The following KANSL1 variants were observed in gnomAD, a reference collection of about 807,000 sequenced individuals.
KANSL1 encodes the protein MLL1/MLL complex subunit KANSL1.
A neutral mutation model predicts 103.6 loss-of-function variants in KANSL1; 22 were observed. The observed-to-expected ratio is 0.21, with a 90% CI of 0.15 to 0.30. The LOEUF is 0.30. Among genes scored for constraint, KANSL1 ranks in the 10% least tolerant of loss-of-function variants. The pLI is 1.00. For synonymous variants in KANSL1, 600 were observed against 527.6 expected (o/e 1.14, Z -1.88); for missense variants, 1,337 against 1,399.8 (o/e 0.96, Z 0.72).
intron 1 of KANSL1, among the ~76,000 whole-genome samples, chr17:46,175,147 T>C (rs1303300796): frequency 6.6e-6 from 1 of 152,184 alleles, no homozygotes; most frequent in African/African-American, 2.4e-5. Context: ...ATGCTTATCT[T>C]TGGAGCAATA....
intron 14 of KANSL1, 53 bp downstream of exon 14, chr17:46,031,994 C>T (rs2077022228): frequency 3.1e-6 from 5 of 1,611,570 alleles, no homozygotes; most frequent in Non-Finnish European, 4.2e-6. Flanking sequence ...GCTGCCCCTT[C>T]CTGGTTCCAT....
At chr17:46,052,794 TAAAAA>T (rs35162336) in intron 6 of KANSL1, among the ~76,000 whole-genome samples, 1 of 118,298 alleles carries the variant, frequency 8.5e-6, no homozygotes, top group Non-Finnish European at 1.7e-5. Flanking sequence ...AATTTAAAAT[TAAAAA>T]AAAAAAAAAA....
intron 2 of KANSL1, among the ~76,000 whole-genome samples, chr17:46,115,597 A>G (rs983462347): frequency 2.0e-5 from 3 of 152,216 alleles, no homozygotes; most frequent in Non-Finnish European, 4.4e-5. Flanking sequence ...TCAGTGAACT[A>G]TATGTGATTT....
At chr17:46,110,187 G>C (rs115632292) in intron 2 of KANSL1, among the ~76,000 whole-genome samples, 1 of 152,216 alleles carries the variant, frequency 6.6e-6, no homozygotes, top group Non-Finnish European at 1.5e-5. Flanking sequence ...GGGTAATATA[G>C]TTAAAGCTAA....
At chr17:46,214,590 G>A (rs185424122) in intron 1 of KANSL1, among the ~76,000 whole-genome samples, 474 of 152,268 alleles carry the variant, frequency 3.1e-3, no homozygotes, top group Non-Finnish European at 4.9e-3. Context: ...GGAGGCAGAG[G>A]TTGCAGTGAG....
rs780942888 is a variant in KANSL1, at chr17:46,170,874, C to T, written c.1270G>A (p.Glu424Lys). ...ACTCACAGGGGTACATGACGCTGCT[C>T]GGGATCAGCTCTGGTCAGTTCTTCC... ...EEEELTRADP[E>K]QRHVPLRRRS... Residue 424 changes from glutamate (E) to lysine (K), a missense_variant, in exon 2 of 15, where the codon GAG becomes AAG. This residue lies in a region of KANSL1 where 780 missense variants were observed against 923.4 expected (regional missense o/e 0.84). Coordinates refer to ENST00000432791, the MANE Select transcript of KANSL1 (RefSeq NM_015443.4). The T allele has an allele frequency of 9.3e-6, 15 of 1,607,412 alleles. No individual in the cohort carries two copies. The highest frequency in any genetic ancestry group is 1.7e-4 in the Middle Eastern group (1 of 6,024).
intron 6 of KANSL1, among the ~76,000 whole-genome samples, chr17:46,061,490 A>G (rs1447762577): frequency 6.6e-6 from 1 of 152,116 alleles, no homozygotes; most frequent in Non-Finnish European, 1.5e-5. Context: ...GATAATTACT[A>G]ACATCCACCA....
chr17:46,126,060 A>G (rs1408073298), intron 2 of KANSL1, among the ~76,000 whole-genome samples: 3 of 152,216 alleles, frequency 2.0e-5, no homozygotes, highest in Non-Finnish European at 4.4e-5. Context: ...GTCTGACTCA[A>G]CAGTCTGCAT....
At chr17:46,081,359 T>G (rs2078982210) in intron 4 of KANSL1, among the ~76,000 whole-genome samples, 1 of 152,216 alleles carries the variant, frequency 6.6e-6, no homozygotes, top group African/African-American at 2.4e-5. Context: ...GATTAGACCA[T>G]TCACTAAAAG....
At chr17:46,194,553 A>T (rs190377612), upstream of KANSL1, among the ~76,000 whole-genome samples, 3 of 152,260 alleles carry the variant, frequency 2.0e-5, no homozygotes, top group African/African-American at 7.2e-5. Context: ...ACAAAGTGTA[A>T]TTCTACCACC....
rs775053273 is a variant in KANSL1 at position 46,033,183 on chromosome 17, G to A, written c.2734C>T (p.Leu912=). ...PDEENEEIED[L]SDAAFAALHA... ...AGGGCGGCGAAGGCTGCGTCGGATAGGTCCTCAATCTGCAATAGAGCAGCT... is the reference window on the plus strand; with the variant it reads ...AGGGCGGCGAAGGCTGCGTCGGATAAGTCCTCAATCTGCAATAGAGCAGCT... The change falls in exon 13 of 15, where the codon CTA becomes TTA. Residue 912 remains leucine (L), a synonymous_variant. Transcript: ENST00000432791. 21 of 1,599,248 alleles carry A rather than the reference G, an allele frequency of 1.3e-5. No homozygotes were observed. Among genetic ancestry groups the A allele is most frequent in the Non-Finnish European group, 1.7e-5 (20 of 1,171,738 alleles).
At chr17:46,033,993 T>C (rs996813675) in intron 11 of KANSL1, among the ~76,000 whole-genome samples, 168 bp downstream of exon 11, 1 of 152,202 alleles carries the variant, frequency 6.6e-6, no homozygotes, top group African/African-American at 2.4e-5. Flanking sequence ...TATAATGGAA[T>C]GAGAGAGAAC....
At chr17:46,064,167 G>A (rs980516376) in intron 6 of KANSL1, among the ~76,000 whole-genome samples, 5 of 151,486 alleles carry the variant, frequency 3.3e-5, no homozygotes, top group Non-Finnish European at 7.4e-5. Flanking sequence ...GGTAGAGTCC[G>A]AGGAATAGAC....
At chr17:46,118,641 TTGA>T (rs1342404200) in intron 2 of KANSL1, among the ~76,000 whole-genome samples, 2 of 152,228 alleles carry the variant, frequency 1.3e-5, no homozygotes, top group Non-Finnish European at 2.9e-5. Flanking sequence ...AGACCACATT[TTGA>T]TGAACTTTCC....
chr17:46,146,661 G>A (rs1404557436), intron 2 of KANSL1, among the ~76,000 whole-genome samples: 1 of 125,354 alleles, frequency 8.0e-6, no homozygotes, highest in African/African-American at 2.6e-5. Context: ...GTGAAACCCC[G>A]TCTCTACTAA....
At chr17:46,037,339 TA>T (rs1201150542) in intron 10 of KANSL1, 2 of 152,184 alleles carry the variant, frequency 1.3e-5, no homozygotes, top group South Asian at 4.1e-4. Context: ...GTTACGGGGG[TA>T]AAGAAAGTCG....
intron 2 of KANSL1, among the ~76,000 whole-genome samples, chr17:46,140,940 T>C (rs1403955221): frequency 6.6e-6 from 1 of 152,116 alleles, no homozygotes; most frequent in Non-Finnish European, 1.5e-5. Flanking sequence ...AAAATGGTAA[T>C]ATAAAATGGA....
chr17:46,096,820 T>C (rs2042107924), intron 2 of KANSL1, among the ~76,000 whole-genome samples: 1 of 151,890 alleles, frequency 6.6e-6, no homozygotes, highest in South Asian at 2.1e-4. Context: ...GGTTTCACTG[T>C]GTTAGCCAGG....
chr17:46,196,787 C>G (rs1487516519), upstream of KANSL1: 1 of 213,422 alleles, frequency 4.7e-6, no homozygotes, highest in Non-Finnish European at 9.4e-6. Context: ...TTTTATATAA[C>G]TAATCTTATT....
Sources: gnomAD v4.1 joint callset for allele counts (sites outside exome capture counted in the v4.1 genomes callset) on GRCh38, gnomAD v4.1.1 for gene constraint, gnomAD v4.1.1 regional missense constraint, MANE v1.5 for transcripts, NCBI Gene and HGNC (gene_info 2026-07-23, HGNC 2026-07-21) for gene names.